NLGN4X: variants seen among roughly 807,000 people sequenced by gnomAD.
NLGN4X encodes the protein neuroligin 4 X-linked.
A neutral mutation model predicts 40.3 loss-of-function variants in NLGN4X; 3 were observed. The ratio of observed to expected loss-of-function variants is 0.07; its 90% confidence interval spans 0.03 to 0.19. The LOEUF is 0.19. Among genes scored for constraint, NLGN4X ranks in the 10% least tolerant of loss-of-function variants. The pLI is 1.00. For synonymous variants in NLGN4X, 270 were observed against 306.8 expected, an observed-to-expected ratio of 0.88 and a Z score of 1.25; for missense variants, 382 against 708.3, an observed-to-expected ratio of 0.54 and a Z score of 5.23.
At chrX:6,117,229 G>GT (rs2147559842) in intron 2 of NLGN4X, among the ~76,000 whole-genome samples, 1 of 110,597 alleles carries the variant, frequency 9.0e-6, no homozygotes, top group Admixed American at 9.6e-5. Context: ...CATCTTTTCA[G>GT]TTAATGCCTT....
chrX:5,932,500 A>G (rs1310752805), intron 3 of NLGN4X, among the ~76,000 whole-genome samples: 1 of 112,328 alleles, frequency 8.9e-6, no homozygotes, highest in African/African-American at 3.2e-5. Context: ...GAACAGATCA[A>G]TGAAGAAATT....
intron 2 of NLGN4X, among the ~76,000 whole-genome samples, chrX:6,032,236 C>G (rs1486598516): frequency 8.6e-5 from 8 of 93,278 alleles, no homozygotes; most frequent in African/African-American, 2.3e-4. Flanking sequence ...CCCCCCCCCC[C>G]CCAAAAAAAA....
At chrX:6,084,360 A>C (rs1398045407) in intron 2 of NLGN4X, among the ~76,000 whole-genome samples, 1 of 111,664 alleles carries the variant, frequency 9.0e-6, no homozygotes, top group Non-Finnish European at 1.9e-5. Context: ...ACTCAAGAGA[A>C]GACAGGATTG....
At chrX:5,992,817 G>C (rs1314548034) in intron 3 of NLGN4X, among the ~76,000 whole-genome samples, 2 of 110,050 alleles carry the variant, frequency 1.8e-5, no homozygotes, top group Non-Finnish European at 3.8e-5. Flanking sequence ...TTAACAACCT[G>C]ATCTCCTGAG....
In NLGN4X at chrX:6,106,694, C is replaced by T. The variant is rs775648540; in HGVS notation, c.472+44301G>A. Among the ~76,000 whole-genome samples, 4 of 112,134 alleles carry T rather than the reference C, an allele frequency of 3.6e-5. No homozygotes were observed. The South Asian group carries it at 1.5e-3, about 42-fold the overall frequency. On this transcript the variant is annotated intron_variant, in intron 2 of 5. Transcript: ENST00000381095. ...ATATGCATTTAATTTTCCTCCATGT[C>T]TTTTCATGGCTTAATAGCTCATTTC...
At chrX:6,091,677 T>C (rs2038643649) in intron 2 of NLGN4X, among the ~76,000 whole-genome samples, 1 of 112,166 alleles carries the variant, frequency 8.9e-6, no homozygotes, top group Admixed American at 9.4e-5. Context: ...AACAGACAAC[T>C]ATATTCCTGC....
rs1021184840 is a variant in NLGN4X, at chrX:6,220,368, G to C, written c.-306+8173C>G. On this transcript the variant is annotated intron_variant, in intron 1 of 5. Transcript: ENST00000381095. ...TCTCAGAGGGACCAAGAGAAATAAA[G>C]GTGAGAATCTTCTACAAAGGCAGAT... is the stretch of plus-strand genomic sequence containing the variant. 3.1e-4 allele frequency among the ~76,000 whole-genome samples: 15 copies of C among 48,648 alleles called. 2 individuals carry two copies. Among genetic ancestry groups the C allele is most frequent in the Non-Finnish European group, 4.8e-4 (12 of 24,829 alleles). 42.2% of individuals were successfully genotyped at this position (48,648 alleles called of 115,157 possible). A position where few individuals can be genotyped will look rare whatever the true frequency, so the allele number is the denominator to read the frequency against.
At position 5,903,129 on chromosome X, in the gene NLGN4X, C is replaced by T. The variant is rs1216478226; in HGVS notation, c.1549G>A (p.Val517Ile). Residue 517 changes from valine to isoleucine, a missense_variant, in exon 5 of 6, where the codon GTC becomes ATC. By Grantham distance (29) the Val-to-Ile change is conservative. Transcript: ENST00000381095. Reference protein sequence around the residue: ...LFSCNFSKNDVMLSAVVMTYW... With the variant: ...LFSCNFSKNDIMLSAVVMTYW... ...GTCATGACCACGGCGCTGAGCATGA[C>T]GTCGTTCTTGGAAAAGTTACAACTG... 1.3e-5 allele frequency: 16 copies of T among 1,210,494 alleles called. No individual in the cohort carries two copies. Among genetic ancestry groups the T allele is most frequent in the East Asian group, 5.9e-5 (2 of 33,752 alleles).
chrX:6,019,139 T>C (rs1198572416), intron 3 of NLGN4X, among the ~76,000 whole-genome samples: 4 of 112,085 alleles, frequency 3.6e-5, no homozygotes, highest in Non-Finnish European at 1.9e-5. Context: ...TCCCCTAGGG[T>C]TCATTTCCAT....
At chrX:6,061,922 G>C (rs775049815) in intron 2 of NLGN4X, among the ~76,000 whole-genome samples, 3 of 111,539 alleles carry the variant, frequency 2.7e-5, no homozygotes, top group Non-Finnish European at 5.6e-5. Flanking sequence ...GCAAGCTCCA[G>C]CCTTGGTCCT....
At chrX:6,188,159 A>G (rs765446173) in intron 1 of NLGN4X, among the ~76,000 whole-genome samples, 1 of 112,091 alleles carries the variant, frequency 8.9e-6, no homozygotes, top group South Asian at 3.8e-4. Context: ...GTTTACATAA[A>G]AGGATTAGAT....
intron 2 of NLGN4X, among the ~76,000 whole-genome samples, chrX:6,048,691 G>A (rs2037390789): frequency 9.0e-6 from 1 of 111,101 alleles, no homozygotes; most frequent in Non-Finnish European, 1.9e-5. Flanking sequence ...CATGTCCTTT[G>A]CAGAGACATG....
chrX:6,194,033 T>G (rs1203909557), intron 1 of NLGN4X, among the ~76,000 whole-genome samples: 1 of 111,542 alleles, frequency 9.0e-6, no homozygotes, highest in African/African-American at 3.3e-5. Context: ...TATCTCAAAA[T>G]TAGCTGGATG....
At chrX:6,076,275 G>T (rs956195448) in intron 2 of NLGN4X, among the ~76,000 whole-genome samples, 3 of 111,846 alleles carry the variant, frequency 2.7e-5, no homozygotes, top group Non-Finnish European at 5.6e-5. Flanking sequence ...TATGTTATCC[G>T]AGAACACCCA....
chrX:6,207,049 C>T (rs990495150), intron 1 of NLGN4X, among the ~76,000 whole-genome samples: 1 of 111,252 alleles, frequency 9.0e-6, no homozygotes, highest in African/African-American at 3.3e-5. Flanking sequence ...CTCTCTCACA[C>T]ACACATACAC....
chrX:6,183,285 C>T (rs61487616), intron 1 of NLGN4X, among the ~76,000 whole-genome samples: 3,229 of 112,250 alleles, frequency 0.029, 124 homozygotes, highest in African/African-American at 0.097. Context: ...CGGTGGCTCA[C>T]GCCTCTAATC....
At chrX:6,111,660 C>G (rs1243590405) in intron 2 of NLGN4X, among the ~76,000 whole-genome samples, 1 of 111,168 alleles carries the variant, frequency 9.0e-6, no homozygotes, top group Non-Finnish European at 1.9e-5. Context: ...GTGGGAGGAT[C>G]AGTTGAGCCC....
In NLGN4X at chrX:5,892,711, T is replaced by G. The variant is rs969639237; in HGVS notation, c.*106A>C. The G allele has an allele frequency of 5.2e-5, 57 of 1,099,435 alleles. No homozygotes were observed. The Admixed American group carries it at 1.5e-3, about 28-fold the overall frequency. 90.6% of individuals were successfully genotyped at this position (1,099,435 alleles called of 1,213,427 possible). A position where few individuals can be genotyped will look rare whatever the true frequency, so the allele number is the denominator to read the frequency against. ...TAAGTCAGTGGGACAAAAACATTCC[T>G]GGTCTGGAGACTTTCTTTCTCTCTC... is the stretch of plus-strand genomic sequence containing the variant. On this transcript the variant is annotated 3_prime_UTR_variant, in exon 6 of 6. Transcript: ENST00000381095.
chrX:6,005,544 T>C (rs1161598946), intron 3 of NLGN4X, among the ~76,000 whole-genome samples: 2 of 110,932 alleles, frequency 1.8e-5, no homozygotes, highest in Non-Finnish European at 3.8e-5. Context: ...TACAGCAAAA[T>C]ATGGCACTTT....
Sources: gnomAD v4.1 joint callset for allele counts (sites outside exome capture counted in the v4.1 genomes callset) on GRCh38, gnomAD v4.1.1 for gene constraint, MANE v1.5 for transcripts, NCBI Gene and HGNC (gene_info 2026-07-23, HGNC 2026-07-21) for gene names.